Variants in TLK1 observed in about 807,000 individuals in gnomAD.
The protein encoded by TLK1 is serine/threonine-protein kinase tousled-like 1.
TLK1 carries 24 observed loss-of-function variants against 105.3 expected under a neutral mutation model. The ratio of observed to expected loss-of-function variants is 0.23; its 90% CI spans 0.17 to 0.32. The LOEUF is 0.32. Among genes scored for constraint, TLK1 ranks in the 10% least tolerant of loss-of-function variants. The pLI is 1.00. For missense variants in TLK1, 558 were observed against 910.5 expected (o/e 0.61, Z 4.98); for synonymous variants, 321 against 310.4 (o/e 1.03, Z -0.36).
chr2:171,042,532 C>A (rs1686730704), intron 11 of TLK1, among the ~76,000 whole-genome samples: 1 of 152,068 alleles, frequency 6.6e-6, no homozygotes, highest in African/African-American at 2.4e-5. Flanking sequence ...AGGCATGAGT[C>A]ACTGCACCCA....
chr2:171,194,683 A>G lies in TLK1; in HGVS notation c.-6+36462T>C, dbSNP rs541695933. Among the ~76,000 whole-genome samples, 384 of 149,616 alleles carry G rather than the reference A, an allele frequency of 2.6e-3. 1 individual carries two copies. The highest frequency in any genetic ancestry group is 7.5e-3 in the African/African-American group (300 of 39,794). ...ATACAAAAAATTAGCCGGGCGTGGT[A>G]GCGGGCGCCTGTAGTCCCAGCTACT... is the stretch of plus-strand genomic sequence containing the variant. On this transcript the variant is annotated intron_variant, in intron 1 of 20. Coordinates refer to the TLK1 transcript ENST00000521943.
At chr2:171,083,289 G>C (rs1264217042) in intron 2 of TLK1, among the ~76,000 whole-genome samples, 1 of 152,064 alleles carries the variant, frequency 6.6e-6, no homozygotes, top group Non-Finnish European at 1.5e-5. Context: ...GCCTTTCTCT[G>C]TATTAACAAA....
chr2:171,213,259 C>A (rs1693653748), intron 1 of TLK1, among the ~76,000 whole-genome samples: 1 of 151,250 alleles, frequency 6.6e-6, no homozygotes, highest in South Asian at 2.1e-4. Flanking sequence ...AGTACAGTGG[C>A]ATGACAATCA....
intron 3 of TLK1, among the ~76,000 whole-genome samples, chr2:171,076,313 T>G (rs890095113): frequency 4.6e-5 from 7 of 151,996 alleles, no homozygotes; most frequent in African/African-American, 7.3e-5. Context: ...GGGTTCCTGA[T>G]TAAAAGGATG....
At chr2:171,026,546 T>C (rs923427316) in intron 12 of TLK1, among the ~76,000 whole-genome samples, 3 of 152,174 alleles carry the variant, frequency 2.0e-5, no homozygotes. Flanking sequence ...AAGAGTAATC[T>C]GAAATTTGGT....
chr2:171,230,426 C>T (rs1693974292), intron 1 of TLK1, among the ~76,000 whole-genome samples: 1 of 152,104 alleles, frequency 6.6e-6, no homozygotes, highest in Non-Finnish European at 1.5e-5. Context: ...TTCCGAATTC[C>T]AGGGAAATAG....
intron 18 of TLK1, among the ~76,000 whole-genome samples, chr2:171,003,044 G>A (rs1320745946): frequency 6.6e-6 from 1 of 151,876 alleles, no homozygotes; most frequent in East Asian, 1.9e-4. Flanking sequence ...GGAGGCCGAG[G>A]CGGGTGGATC....
At chr2:171,207,511 A>G (rs760854672) in intron 1 of TLK1, among the ~76,000 whole-genome samples, 1 of 152,070 alleles carries the variant, frequency 6.6e-6, no homozygotes, top group African/African-American at 2.4e-5. Context: ...AATACAAACA[A>G]TGGACTTTGG....
Position 170,997,835 on chromosome 2 carries a change from G to C in TLK1, c.1905-12C>G. 1 of 1,532,728 alleles carries C rather than the reference G, an allele frequency of 6.5e-7. No individual in the cohort carries two copies. Among genetic ancestry groups the C allele is most frequent in the Non-Finnish European group, 8.9e-7 (1 of 1,123,502 alleles). 94.9% of individuals were successfully genotyped at this position (1,532,728 alleles called of 1,614,324 possible). A position where few individuals can be genotyped will look rare whatever the true frequency, so the allele number is the denominator to read the frequency against. On this transcript the variant is annotated splice_polypyrimidine_tract_variant and intron_variant, in intron 18 of 20. Coordinates refer to ENST00000431350, the MANE Select transcript of TLK1 (RefSeq NM_012290.5). ...CAGGAGGTAAATACCTGTAAGTTTTGTGGGAGAGAAAAAAGGTTACTACTG... is the reference window on the plus strand; with the variant it reads ...CAGGAGGTAAATACCTGTAAGTTTTCTGGGAGAGAAAAAAGGTTACTACTG...
At chr2:171,084,169 T>C (rs527966816) in intron 2 of TLK1, among the ~76,000 whole-genome samples, 1 of 152,234 alleles carries the variant, frequency 6.6e-6, no homozygotes, top group East Asian at 1.9e-4. Flanking sequence ...AAGAAACAGA[T>C]GTCTGATAAC....
At chr2:171,220,891 T>G (rs922424402) in intron 1 of TLK1, among the ~76,000 whole-genome samples, 2 of 152,096 alleles carry the variant, frequency 1.3e-5, no homozygotes, top group African/African-American at 4.8e-5. Context: ...AAATTATATA[T>G]TTTTACAATT....
intron 3 of TLK1, among the ~76,000 whole-genome samples, chr2:171,078,558 A>C (rs1490476019): frequency 6.6e-6 from 1 of 152,072 alleles, no homozygotes; most frequent in Non-Finnish European, 1.5e-5. Flanking sequence ...AAAAAAATCT[A>C]ATGAAATCTA....
rs60234570 is a variant in TLK1 at position 171,195,521 on chromosome 2, AAC to A, written c.-6+35622_-6+35623del. On this transcript the variant is annotated intron_variant, in intron 1 of 20. Coordinates refer to the TLK1 transcript ENST00000521943. ...TGTCTCAAAAAAAAAAAAAAAAAAA[AAC>A]ATAATCCACCATGGATAAGCTCTAT... Among the ~76,000 whole-genome samples, 1,438 of 150,426 alleles carry A rather than the reference AAC, an allele frequency of 9.6e-3. 25 individuals are homozygous for A. Among genetic ancestry groups the A allele is most frequent in the African/African-American group, 0.031 (1,271 of 40,634 alleles).
chr2:171,059,861 C>T (rs3731990), intron 4 of TLK1: 503,221 of 855,158 alleles, frequency 0.59, 153,657 homozygotes, highest in South Asian at 0.68. Context: ...GAGAATCTAA[C>T]GCTGCCGCTG....
intron 12 of TLK1, among the ~76,000 whole-genome samples, chr2:171,015,830 G>A (rs1418387443): frequency 6.6e-6 from 1 of 152,056 alleles, no homozygotes; most frequent in African/African-American, 2.4e-5. Context: ...CCAGCACTTT[G>A]GACTTTGGGA....
chr2:171,187,839 T>A (rs534213710), intron 1 of TLK1, among the ~76,000 whole-genome samples: 1 of 152,204 alleles, frequency 6.6e-6, no homozygotes, highest in African/African-American at 2.4e-5. Flanking sequence ...TAAATATTTA[T>A]TGAATGAATG....
rs564608211 is a variant in TLK1, at chr2:171,222,580, C to G, written c.-6+8565G>C. On this transcript the variant is annotated intron_variant, in intron 1 of 20. Transcript: ENST00000521943. ...TGCCTGGGCTCAAGTGATCCACCCC[C>G]CTCTGCCTCCCAAAGTGGTCTTTTT... is the stretch of plus-strand genomic sequence containing the variant. Among the ~76,000 whole-genome samples, 5 of 152,218 alleles carry G rather than the reference C, an allele frequency of 3.3e-5. No homozygotes were observed. In the South Asian group the frequency reaches 6.2e-4, roughly 19 times the overall value.
intron 1 of TLK1, among the ~76,000 whole-genome samples, chr2:171,157,273 A>C (rs984255405): frequency 2.0e-5 from 3 of 152,220 alleles, no homozygotes; most frequent in African/African-American, 4.8e-5. Flanking sequence ...ATGCAAAAAA[A>C]CCCAACTACT....
At chr2:171,230,643 A>G (rs10179755) in intron 1 of TLK1, among the ~76,000 whole-genome samples, 9,775 of 152,192 alleles carry the variant, frequency 0.064, 542 homozygotes, top group East Asian at 0.24. Flanking sequence ...TCCTTGTTCA[A>G]CAGCTGTACA....
Sources: gnomAD v4.1 joint callset for allele counts (sites outside exome capture counted in the v4.1 genomes callset) on GRCh38, gnomAD v4.1.1 for gene constraint, MANE v1.5 for transcripts, NCBI Gene and HGNC (gene_info 2026-07-23, HGNC 2026-07-21) for gene names.